The following UBE2T variants were observed in gnomAD, a reference collection of about 807,000 sequenced individuals.
UBE2T encodes the protein ubiquitin conjugating enzyme E2 T, also known as ubiquitin-conjugating enzyme E2 T.
Under a neutral mutation model 23.3 loss-of-function variants are expected in UBE2T, and 15 were observed. That is an observed-to-expected ratio of 0.64 (90% CI 0.43 to 0.99). The LOEUF (loss-of-function observed/expected upper bound fraction) is 0.99, where lower values mean the gene tolerates loss of function less well. Among genes scored for constraint, UBE2T ranks in the 50% least tolerant of loss-of-function variants. UBE2T has a pLI of 0.00. For synonymous variants in UBE2T, 67 were observed against 78.4 expected (o/e 0.85, Z 0.77); for missense variants, 197 against 234.9 (o/e 0.84, Z 1.05).
At chr1:202,334,835 C>T (rs1194976344) in intron 3 of UBE2T, among the ~76,000 whole-genome samples, 154 bp downstream of exon 3, 1 of 152,056 alleles carries the variant, frequency 6.6e-6, no homozygotes, top group East Asian at 1.9e-4. Context: ...AAACTGAACT[C>T]CAGAGAGAGA....
In UBE2T at chr1:202,341,653, C is replaced by T. The variant is rs902981867; in HGVS notation, c.-65+242G>A. ...CAGCAAGTACTGGGCTGTTATGTCC[C>T]TTCTAGTGGCAAATTTCTCCCTGCT... On this transcript the variant is annotated intron_variant, in intron 1 of 6. Coordinates refer to ENST00000646651, the MANE Select transcript of UBE2T (RefSeq NM_014176.4). 2.6e-5 allele frequency among the ~76,000 whole-genome samples: 4 copies of T among 150,996 alleles called. No individual in the cohort carries two copies. In the East Asian group the frequency reaches 5.9e-4, roughly 22 times the overall value.
intron 3 of UBE2T, among the ~76,000 whole-genome samples, chr1:202,334,507 A>G (rs1399980803): frequency 1.3e-5 from 2 of 152,186 alleles, no homozygotes; most frequent in Non-Finnish European, 2.9e-5. Flanking sequence ...AAACTTGCAC[A>G]TGTACCCCGG....
intron 1 of UBE2T, among the ~76,000 whole-genome samples, chr1:202,336,339 AGCCGCCT>A (rs1169263826): frequency 6.7e-6 from 1 of 149,084 alleles, no homozygotes; most frequent in Non-Finnish European, 1.5e-5. Flanking sequence ...CTCCCATCTC[AGCCGCCT>A]ATGTAGCTGG....
chr1:202,331,906 G>GCC lies in UBE2T; in HGVS notation c.522_523insGG (p.His175GlyfsTer13). ...GCCTTCCTTTTCTGTGTTGAGTTGT[G>GCC]TACTCTGGAGTCACCAGCCTCTGGT... is the stretch of plus-strand genomic sequence containing the variant. On this transcript the variant is annotated frameshift_variant, in exon 7 of 7. Coordinates refer to ENST00000646651, the MANE Select transcript of UBE2T (RefSeq NM_014176.4). LOFTEE classifies it high-confidence loss of function. 1.2e-6 allele frequency: 2 copies of GCC among 1,614,032 alleles called. No homozygotes were observed. Among genetic ancestry groups the GCC allele is most frequent in the Non-Finnish European group, 1.7e-6 (2 of 1,179,984 alleles).
At chr1:202,341,292 G>T (rs993036241) in intron 1 of UBE2T, among the ~76,000 whole-genome samples, 1 of 152,070 alleles carries the variant, frequency 6.6e-6, no homozygotes, top group Non-Finnish European at 1.5e-5. Context: ...GAAGACAAAA[G>T]AACAGGCCGG....
intron 3 of UBE2T, 52 bp downstream of exon 3, chr1:202,334,937 C>G (rs1441986430): frequency 1.9e-6 from 3 of 1,550,254 alleles, no homozygotes; most frequent in Non-Finnish European, 2.7e-6. Flanking sequence ...CTCTGTCTCC[C>G]AATTTATAAA....
intron 1 of UBE2T, among the ~76,000 whole-genome samples, chr1:202,338,161 A>T (rs188634510): frequency 6.6e-6 from 1 of 152,196 alleles, no homozygotes; most frequent in Non-Finnish European, 1.5e-5. Context: ...TATTTTTGCT[A>T]TCTTTTCAAA....
chr1:202,334,029 G>A (rs1654826852), intron 3 of UBE2T, among the ~76,000 whole-genome samples: 1 of 151,960 alleles, frequency 6.6e-6, no homozygotes, highest in African/African-American at 2.4e-5. Context: ...ACCTTGCAAA[G>A]TTCCCAGTCT....
chr1:202,334,288 A>G (rs1166970137), intron 3 of UBE2T, among the ~76,000 whole-genome samples: 1 of 152,198 alleles, frequency 6.6e-6, no homozygotes, highest in African/African-American at 2.4e-5. Context: ...ACAGAAAGCC[A>G]AATACCACAT....
intron 6 of UBE2T, among the ~76,000 whole-genome samples, chr1:202,332,661 C>T (rs1654776542): frequency 6.6e-6 from 1 of 151,934 alleles, no homozygotes; most frequent in Admixed American, 6.6e-5. Context: ...GTAATCCCAG[C>T]ACTTTGGGAG....
chr1:202,341,260 T>C (rs999926096), intron 1 of UBE2T, among the ~76,000 whole-genome samples: 3 of 152,114 alleles, frequency 2.0e-5, no homozygotes, highest in Admixed American at 6.6e-5. Flanking sequence ...GAACGAAACG[T>C]GGGTTTGGAC....
chr1:202,334,959 A>G, intron 3 of UBE2T, 30 bp downstream of exon 3: 1 of 1,599,594 alleles, frequency 6.3e-7, no homozygotes, highest in South Asian at 1.1e-5. Flanking sequence ...GCACTTCACC[A>G]TGTAGGTTGA....
intron 6 of UBE2T, 26 bp from the exon 7 acceptor site, chr1:202,331,986 A>T (rs780678622): frequency 6.8e-6 from 11 of 1,612,072 alleles, no homozygotes; most frequent in Non-Finnish European, 9.3e-6. Flanking sequence ...GGTGAAACAC[A>T]GTAAGGTTCA....
chr1:202,340,612 C>T (rs868860573), intron 1 of UBE2T, among the ~76,000 whole-genome samples: 1 of 152,084 alleles, frequency 6.6e-6, no homozygotes, highest in African/African-American at 2.4e-5. Flanking sequence ...AGGTTATATG[C>T]AAATACTACA....
At position 202,333,549 on chromosome 1, in the gene UBE2T, T is replaced by C. The variant is rs1352743116; in HGVS notation, c.186A>G (p.Pro62=). 10 of 1,612,570 alleles carry C rather than the reference T, an allele frequency of 6.2e-6. No individual in the cohort carries two copies. The highest frequency in any genetic ancestry group is 1.7e-5 in the Admixed American group (1 of 59,880). Residue 62 remains proline (P), a synonymous_variant, in exon 4 of 7, where the codon CCA becomes CCG. Coordinates refer to ENST00000646651, the MANE Select transcript of UBE2T (RefSeq NM_014176.4). Reference sequence around the variant, plus strand: ...GAAATCGGATCTGAGGAGGTTCAAATGGGTACCTATGAAAGAATAAGACAA... The same window carrying C: ...GAAATCGGATCTGAGGAGGTTCAAACGGGTACCTATGAAAGAATAAGACAA... ...KLEVIIPERY[P]FEPPQIRFLT...
In UBE2T at chr1:202,335,549, A is replaced by T. The variant is rs866483535; in HGVS notation, c.109+97T>A. 8.1e-7 allele frequency: 1 copy of T among 1,233,654 alleles called. No homozygotes were observed. Among genetic ancestry groups the T allele is most frequent in the African/African-American group, 1.5e-5 (1 of 67,722 alleles). The allele number at this position is 1,233,654 out of a possible 1,614,324, so 76.4% of individuals were successfully genotyped here. ...GATGGTAGGGCACTCTGACCTTATA[A>T]CTGCTCCTTACTTTAGAAGAATACA... On this transcript the variant is annotated intron_variant, in intron 2 of 6. Coordinates refer to ENST00000646651, the MANE Select transcript of UBE2T (RefSeq NM_014176.4). The surrounding 1 kb of genome is among the most constrained non-coding windows in gnomAD (Gnocchi z 4.0).
intron 6 of UBE2T, among the ~76,000 whole-genome samples, chr1:202,332,557 T>C (rs1490004913): frequency 1.3e-5 from 2 of 152,188 alleles, no homozygotes; most frequent in Admixed American, 6.5e-5. Flanking sequence ...AAGGTTGCAA[T>C]AGGAGAAAAA....
At chr1:202,332,922 A>AAAAAAAAAAAAC (rs1654790250) in intron 6 of UBE2T, 88 bp downstream of exon 6, 2 of 391,986 alleles carry the variant, frequency 5.1e-6, no homozygotes, top group African/African-American at 5.0e-5. Context: ...AAAAAAAAAA[A>AAAAAAAAAAAAC]AAAAAAAAAA....
chr1:202,336,228 T>C (rs1049112103), intron 1 of UBE2T, among the ~76,000 whole-genome samples: 4 of 144,614 alleles, frequency 2.8e-5, no homozygotes, highest in Admixed American at 2.8e-4. Flanking sequence ...TTTTTTTTTT[T>C]TTTTTTTTTT....
Sources: allele counts gnomAD v4.1 joint callset (sites outside exome capture counted in the v4.1 genomes callset), GRCh38; gene constraint gnomAD v4.1.1; non-coding constraint Gnocchi (gnomAD v3.1); transcripts MANE v1.5; gene names NCBI Gene and HGNC (gene_info 2026-07-23, HGNC 2026-07-21).